GRIK2: variants seen among roughly 807,000 people sequenced by gnomAD.
GRIK2 encodes the protein glutamate ionotropic receptor kainate type subunit 2.
In GRIK2, 32 loss-of-function variants were observed where a neutral mutation model predicts 100.3. The ratio of observed to expected loss-of-function variants is 0.32; its 90% confidence interval spans 0.24 to 0.43. GRIK2 has a LOEUF of 0.43. Ranked by LOEUF, GRIK2 falls within the 20% of genes least tolerant of loss-of-function variation. GRIK2 has a pLI of 1.00. For synonymous variants in GRIK2, 417 were observed against 389.4 expected (o/e 1.07, Z -0.83); for missense variants, 843 against 1,114.9 (o/e 0.76, Z 3.47).
chr6:101,525,042 G>A (rs778044370), intron 2 of GRIK2, among the ~76,000 whole-genome samples: 6 of 151,948 alleles, frequency 3.9e-5, no homozygotes, highest in South Asian at 2.1e-4. Context: ...CCCCACTTGC[G>A]TGTTCTTGAA....
At chr6:101,667,294 AC>A (rs1770101086) in intron 4 of GRIK2, among the ~76,000 whole-genome samples, 3 of 152,134 alleles carry the variant, frequency 2.0e-5, no homozygotes, top group Non-Finnish European at 4.4e-5. Context: ...ATGGAAGTTT[AC>A]AAATGGGAGT....
intron 15 of GRIK2, among the ~76,000 whole-genome samples, chr6:102,054,175 T>C (rs1453000818): frequency 6.6e-6 from 1 of 152,214 alleles, no homozygotes; most frequent in Non-Finnish European, 1.5e-5. Context: ...CAGTTGAGTT[T>C]GGTAGATCTT....
intron 14 of GRIK2, among the ~76,000 whole-genome samples, chr6:101,977,568 G>C (rs914118701): frequency 6.6e-6 from 1 of 151,926 alleles, no homozygotes; most frequent in South Asian, 2.1e-4. Context: ...GGCAGGCATG[G>C]CCCAGATTTA....
At chr6:101,933,698 A>G (rs1790433756) in intron 14 of GRIK2, among the ~76,000 whole-genome samples, 1 of 151,888 alleles carries the variant, frequency 6.6e-6, no homozygotes, top group Non-Finnish European at 1.5e-5. Context: ...GGCACAATGA[A>G]TTTTACATTT....
chr6:102,006,813 T>C (rs1795266273), intron 14 of GRIK2, among the ~76,000 whole-genome samples: 1 of 152,088 alleles, frequency 6.6e-6, no homozygotes, highest in African/African-American at 2.4e-5. Context: ...TATAATAAAA[T>C]CGCAAATAAT....
intron 2 of GRIK2, among the ~76,000 whole-genome samples, chr6:101,592,611 A>ATATC (rs1778718812): frequency 8.0e-6 from 1 of 125,290 alleles, no homozygotes; most frequent in Admixed American, 7.7e-5. Flanking sequence ...ATATATATAT[A>ATATC]TATATATATA....
chr6:101,934,718 G>A (rs1239102909), intron 14 of GRIK2, among the ~76,000 whole-genome samples: 1 of 151,834 alleles, frequency 6.6e-6, no homozygotes, highest in Non-Finnish European at 1.5e-5. Flanking sequence ...TTTTTATTTA[G>A]AGCAATGGTG....
At chr6:102,000,018 C>CT (rs550597148) in intron 14 of GRIK2, among the ~76,000 whole-genome samples, 66 of 151,680 alleles carry the variant, frequency 4.4e-4, no homozygotes, top group South Asian at 2.1e-3. Flanking sequence ...TCAAATTGGT[C>CT]TTTTTTTTGT....
chr6:101,459,304 G>T (rs1418629919), intron 2 of GRIK2, among the ~76,000 whole-genome samples: 2 of 152,062 alleles, frequency 1.3e-5, no homozygotes, highest in Admixed American at 1.3e-4. Context: ...GTTAGACTCA[G>T]TCCAAAGACA....
chr6:101,978,875 C>T (rs1263849455), intron 14 of GRIK2, among the ~76,000 whole-genome samples: 1 of 151,836 alleles, frequency 6.6e-6, no homozygotes, highest in Admixed American at 6.6e-5. Context: ...TCTAAATCTC[C>T]CCTCTCCCCC....
intron 12 of GRIK2, among the ~76,000 whole-genome samples, chr6:101,921,199 G>A (rs1789467775): frequency 6.6e-6 from 1 of 152,108 alleles, no homozygotes; most frequent in South Asian, 2.1e-4. Flanking sequence ...TTAAGGGCTA[G>A]TGGCAGGGCC....
chr6:102,043,929 T>C lies in GRIK2; in HGVS notation c.2311+8363T>C, dbSNP rs544454691. 3.9e-5 allele frequency among the ~76,000 whole-genome samples: 6 copies of C among 152,072 alleles called. No homozygotes were observed. The East Asian group carries it at 1.2e-3, about 30-fold the overall frequency. ...TTCACATTCTGTCTTGCCACCACCA[T>C]GTAAAAAGTGCTTTTCACTTTCCTC... On this transcript the variant is annotated intron_variant, in intron 15 of 16. Coordinates refer to ENST00000369134, the MANE Select transcript of GRIK2 (RefSeq NM_021956.5).
At chr6:101,769,421 A>G (rs1431100333) in intron 7 of GRIK2, among the ~76,000 whole-genome samples, 1 of 152,146 alleles carries the variant, frequency 6.6e-6, no homozygotes, top group Non-Finnish European at 1.5e-5. Context: ...ATGCAGAGGA[A>G]GAGAAGAAAT....
At chr6:101,891,697 G>C in intron 12 of GRIK2, 1 of 330,262 alleles carries the variant, frequency 3.0e-6, no homozygotes, top group Non-Finnish European at 5.9e-6. Context: ...TGTATTGGAA[G>C]CATATTGCCA....
At chr6:101,435,176 T>G (rs1472263363) in intron 2 of GRIK2, among the ~76,000 whole-genome samples, 1 of 152,162 alleles carries the variant, frequency 6.6e-6, no homozygotes, top group Non-Finnish European at 1.5e-5. Context: ...TTTTTTAATA[T>G]AGTGTGACTC....
chr6:101,724,887 T>C (rs1368644425), intron 7 of GRIK2, among the ~76,000 whole-genome samples: 1 of 152,024 alleles, frequency 6.6e-6, no homozygotes, highest in Non-Finnish European at 1.5e-5. Flanking sequence ...TTCTCTCCAC[T>C]CTGTTTAACA....
intron 4 of GRIK2, among the ~76,000 whole-genome samples, chr6:101,654,035 T>C (rs961969935): frequency 6.6e-6 from 1 of 152,216 alleles, no homozygotes; most frequent in Non-Finnish European, 1.5e-5. Flanking sequence ...GTTTAAACTG[T>C]GAGGTCTCTA....
At chr6:101,584,953 A>ATATTCATATTCATATTCATATTCT in intron 2 of GRIK2, among the ~76,000 whole-genome samples, 1 of 151,908 alleles carries the variant, frequency 6.6e-6, no homozygotes, top group Admixed American at 6.6e-5. Context: ...TGGAGATGTA[A>ATATTCATATTCATATTCATATTCT]CTACATATAA....
At chr6:101,930,756 A>G (rs772123428) in intron 14 of GRIK2, among the ~76,000 whole-genome samples, 72 of 151,794 alleles carry the variant, frequency 4.7e-4, no homozygotes, top group Admixed American at 5.9e-4. Context: ...TTAATAGTTC[A>G]ATTGCTTTCT....
Sources: gnomAD v4.1 joint callset for allele counts (sites outside exome capture counted in the v4.1 genomes callset) on GRCh38, gnomAD v4.1.1 for gene constraint, MANE v1.5 for transcripts, NCBI Gene and HGNC (gene_info 2026-07-23, HGNC 2026-07-21) for gene names.